The following MECOM variants were observed in gnomAD, a reference collection of about 807,000 sequenced individuals.
The protein encoded by MECOM is histone-lysine N-methyltransferase MECOM.
MECOM carries 13 observed loss-of-function variants against 116.3 expected under a neutral mutation model. The ratio of observed to expected loss-of-function variants is 0.11; its 90% CI spans 0.07 to 0.18. The LOEUF (loss-of-function observed/expected upper bound fraction) is 0.18. Ranked by LOEUF, MECOM falls within the 10% of genes least tolerant of loss-of-function variation. The pLI, the probability that MECOM is intolerant of heterozygous loss-of-function variation, is 1.00. For missense variants in MECOM, 1,299 were observed against 1,509.0 expected (o/e 0.86, Z 2.31); for synonymous variants, 528 against 535.2 (o/e 0.99, Z 0.19).
At chr3:169,529,778 T>C (rs551647349) in intron 1 of MECOM, among the ~76,000 whole-genome samples, 31 of 152,318 alleles carry the variant, frequency 2.0e-4, no homozygotes, top group African/African-American at 7.5e-4. Flanking sequence ...ATAGATTCCC[T>C]GCTTTGTACT....
chr3:169,487,981 T>C (rs1752609316), intron 1 of MECOM, among the ~76,000 whole-genome samples: 1 of 152,186 alleles, frequency 6.6e-6, no homozygotes, highest in African/African-American at 2.4e-5. Context: ...GTTTGGAATT[T>C]ATAGGCATAA....
chr3:169,663,512 CTCTCTCTCTCTCTCT>C lies in MECOM; in HGVS notation c.-155_-141del. 1 of 679,456 alleles carries C rather than the reference CTCTCTCTCTCTCTCT, an allele frequency of 1.5e-6. No individual in the cohort carries two copies. 42.1% of individuals were successfully genotyped at this position (679,456 alleles called of 1,614,324 possible). A position where few individuals can be genotyped will look rare whatever the true frequency, so the allele number is the denominator to read the frequency against. ...TCTCTCTCTCTCTCTCTCTCTCTCT[CTCTCTCTCTCTCTCT>C]CTCCCTCCCTCCTGTTTCTCTCCTG... is the stretch of plus-strand genomic sequence containing the variant. On this transcript the variant is annotated 5_prime_UTR_variant, in exon 1 of 17. Coordinates refer to ENST00000651503, the MANE Select transcript of MECOM (RefSeq NM_004991.4).
In MECOM at chr3:169,102,117, G is replaced by A. The variant is rs1431281778; in HGVS notation, c.2714C>T (p.Pro905Leu). 1 of 1,613,858 alleles carries A rather than the reference G, an allele frequency of 6.2e-7. No individual in the cohort carries two copies. Residue 905 changes from proline (P) to leucine (L), a missense_variant, in exon 11 of 17, where the codon CCT (proline) becomes CTT (leucine). By Grantham distance (98) the Pro-to-Leu change is moderately conservative. Around this residue, in one of 6 missense-constraint regions of MECOM, gnomAD observed 340 missense variants for 312.6 expected, o/e 1.09. Coordinates refer to ENST00000651503, the MANE Select transcript of MECOM (RefSeq NM_004991.4). ...AAGGTTCTCTGGCAGGGCATTGGGA[G>A]GCGCCCTGAAGTTGAACATAGAGGG... ...SVPSMFNFRA[P>L]PNALPENLLR...
intron 2 of MECOM, among the ~76,000 whole-genome samples, chr3:169,265,419 C>A (rs563423797): frequency 6.6e-6 from 1 of 152,174 alleles, no homozygotes; most frequent in Non-Finnish European, 1.5e-5. Context: ...GAAAGTGCAA[C>A]AATTATTTGC....
At chr3:169,184,969 A>G (rs1210567522) in intron 2 of MECOM, among the ~76,000 whole-genome samples, 1 of 152,182 alleles carries the variant, frequency 6.6e-6, no homozygotes, top group East Asian at 1.9e-4. Context: ...GAGTGCCAGA[A>G]GGGAAGGTGG....
Position 169,276,300 on chromosome 3 carries a change from C to G in MECOM, c.375+104887G>C, listed in dbSNP as rs529385518. Among the ~76,000 whole-genome samples, 4 of 152,132 alleles carry G rather than the reference C, an allele frequency of 2.6e-5. No individual in the cohort carries two copies. In the East Asian group the frequency reaches 7.7e-4, roughly 29 times the overall value. On this transcript the variant is annotated intron_variant, in intron 2 of 16. Transcript: ENST00000651503. ...GGCGCAGTGGCTCACGCCTGTAATCCCAGCACTTTGGGAGGCCAAGGCAGG... is the reference window on the plus strand; with the variant it reads ...GGCGCAGTGGCTCACGCCTGTAATCGCAGCACTTTGGGAGGCCAAGGCAGG...
intron 1 of MECOM, among the ~76,000 whole-genome samples, chr3:169,520,082 C>T (rs1343857948): frequency 4.6e-5 from 7 of 152,156 alleles, no homozygotes; most frequent in Non-Finnish European, 1.0e-4. Flanking sequence ...TTTGGAGCTG[C>T]CCAGAACCAC....
chr3:169,505,539 G>T (rs917132087), intron 1 of MECOM, among the ~76,000 whole-genome samples: 1 of 152,176 alleles, frequency 6.6e-6, no homozygotes, highest in African/African-American at 2.4e-5. Context: ...TAGTAATCTT[G>T]TGTGAGTGTG....
intron 2 of MECOM, among the ~76,000 whole-genome samples, chr3:169,282,076 C>T (rs998144549): frequency 2.0e-5 from 3 of 152,110 alleles, no homozygotes; most frequent in African/African-American, 7.2e-5. Flanking sequence ...AGGAACTTAC[C>T]ATTACCATAT....
intron 1 of MECOM, among the ~76,000 whole-genome samples, chr3:169,478,807 G>A (rs942939041): frequency 1.7e-4 from 26 of 152,094 alleles, no homozygotes; most frequent in African/African-American, 6.0e-4. Context: ...AACCATTTAC[G>A]TCATTTTAGG....
intron 1 of MECOM, among the ~76,000 whole-genome samples, chr3:169,513,270 C>T (rs1756207278): frequency 6.6e-6 from 1 of 152,214 alleles, no homozygotes. Context: ...GTTCATGCAT[C>T]AACCACATGC....
At chr3:169,152,210 C>T (rs186973371) in intron 2 of MECOM, among the ~76,000 whole-genome samples, 126 of 152,116 alleles carry the variant, frequency 8.3e-4, no homozygotes, top group Non-Finnish European at 1.1e-3. Flanking sequence ...TTACTGGTGA[C>T]TCTTGGTGGA....
intron 2 of MECOM, among the ~76,000 whole-genome samples, chr3:169,230,905 G>T (rs1012889561): frequency 1.3e-5 from 2 of 151,934 alleles, no homozygotes; most frequent in Non-Finnish European, 2.9e-5. Flanking sequence ...TCATAACTTT[G>T]TTATTATCAA....
chr3:169,148,776 A>G (rs1021067331), intron 2 of MECOM, among the ~76,000 whole-genome samples: 1 of 152,136 alleles, frequency 6.6e-6, no homozygotes. Context: ...CAAAATATTG[A>G]TTTAAAAACA....
intron 9 of MECOM, among the ~76,000 whole-genome samples, chr3:169,109,774 A>G (rs1726727796): frequency 6.6e-6 from 1 of 152,206 alleles, no homozygotes; most frequent in Non-Finnish European, 1.5e-5. Flanking sequence ...ACGCAATAAT[A>G]TAGCCTAATA....
At chr3:169,206,474 A>G (rs998965581) in intron 2 of MECOM, among the ~76,000 whole-genome samples, 6 of 152,130 alleles carry the variant, frequency 3.9e-5, no homozygotes, top group African/African-American at 1.4e-4. Context: ...AATTATGGCC[A>G]GGCATGGTGG....
At chr3:169,207,395 C>T (rs145246533) in intron 2 of MECOM, among the ~76,000 whole-genome samples, 59 of 152,214 alleles carry the variant, frequency 3.9e-4, no homozygotes, top group African/African-American at 1.4e-3. Context: ...AGAGGATAAG[C>T]TATAATTAAT....
chr3:169,315,159 G>A (rs1266134770), intron 2 of MECOM, among the ~76,000 whole-genome samples: 1 of 152,184 alleles, frequency 6.6e-6, no homozygotes, highest in African/African-American at 2.4e-5. Context: ...AATAGGGTGG[G>A]TTCTGAGCCA....
chr3:169,323,637 G>T (rs1358859821), intron 2 of MECOM, among the ~76,000 whole-genome samples: 4 of 152,138 alleles, frequency 2.6e-5, no homozygotes, highest in Non-Finnish European at 5.9e-5. Context: ...CAGTCTTTCT[G>T]CCCAGGAGGC....
Sources: gnomAD v4.1 joint callset for allele counts (sites outside exome capture counted in the v4.1 genomes callset) on GRCh38, gnomAD v4.1.1 for gene constraint, gnomAD v4.1.1 regional missense constraint, MANE v1.5 for transcripts, NCBI Gene and HGNC (gene_info 2026-07-23, HGNC 2026-07-21) for gene names.